PPFIA2: variants seen among roughly 807,000 people sequenced by gnomAD.
PPFIA2 encodes liprin-alpha-2.
In PPFIA2, 46 loss-of-function variants were observed where a neutral mutation model predicts 175.5. The observed-to-expected ratio is 0.26, with a 90% CI of 0.21 to 0.34. The LOEUF (loss-of-function observed/expected upper bound fraction) is 0.34, where lower values mean the gene tolerates loss of function less well. Ranked by LOEUF, PPFIA2 falls within the 10% of genes least tolerant of loss-of-function variation. The pLI is 1.00. For missense variants in PPFIA2, 1,179 were observed against 1,506.1 expected, an observed-to-expected ratio of 0.78 and a Z score of 3.60; for synonymous variants, 568 against 511.4, an observed-to-expected ratio of 1.11 and a Z score of -1.49.
intron 4 of PPFIA2, among the ~76,000 whole-genome samples, chr12:81,656,607 GA>G (rs1181519573): frequency 1.3e-5 from 2 of 151,844 alleles, no homozygotes; most frequent in Non-Finnish European, 2.9e-5. Flanking sequence ...ATAAAGGAAA[GA>G]AAAATTTTTA....
chr12:81,684,283 T>C (rs774282862), intron 3 of PPFIA2, among the ~76,000 whole-genome samples: 1 of 152,036 alleles, frequency 6.6e-6, no homozygotes, highest in Non-Finnish European at 1.5e-5. Flanking sequence ...AAAGGTATGA[T>C]TTATAGAGGT....
chr12:81,697,051 T>G (rs994772977), intron 3 of PPFIA2, among the ~76,000 whole-genome samples: 1 of 152,138 alleles, frequency 6.6e-6, no homozygotes, highest in Non-Finnish European at 1.5e-5. Context: ...AAATGAATCA[T>G]AGACAGACAA....
intron 4 of PPFIA2, among the ~76,000 whole-genome samples, chr12:81,532,306 T>C (rs773604963): frequency 1.3e-5 from 2 of 151,696 alleles, no homozygotes; most frequent in East Asian, 1.9e-4. Flanking sequence ...TTTGTAGAAA[T>C]AGGAGGATAG....
chr12:81,741,975 A>G (rs2082378405), intron 3 of PPFIA2, among the ~76,000 whole-genome samples: 1 of 152,178 alleles, frequency 6.6e-6, no homozygotes, highest in Non-Finnish European at 1.5e-5. Context: ...TGAAAAGGTA[A>G]AGAAAGCAAG....
At chr12:81,626,765 G>A (rs190501344) in intron 4 of PPFIA2, among the ~76,000 whole-genome samples, 81 of 152,120 alleles carry the variant, frequency 5.3e-4, no homozygotes, top group African/African-American at 1.8e-3. Flanking sequence ...TTATTTTGGG[G>A]ATTGTTGGGG....
At chr12:81,537,278 T>C (rs2065539424) in intron 4 of PPFIA2, among the ~76,000 whole-genome samples, 1 of 151,798 alleles carries the variant, frequency 6.6e-6, no homozygotes, top group Admixed American at 6.6e-5. Flanking sequence ...ACATTTGACT[T>C]TTCCCATTAT....
At chr12:81,345,377 C>T (rs926256054) in intron 18 of PPFIA2, among the ~76,000 whole-genome samples, 4 of 151,878 alleles carry the variant, frequency 2.6e-5, no homozygotes, top group Admixed American at 2.0e-4. Flanking sequence ...TCTAAAAATG[C>T]CTTTTTTTTC....
intron 5 of PPFIA2, among the ~76,000 whole-genome samples, chr12:81,450,901 T>A (rs975764807): frequency 3.9e-5 from 6 of 152,282 alleles, no homozygotes; most frequent in South Asian, 2.1e-4. Flanking sequence ...ACATAATACA[T>A]TGCTAAGTAG....
intron 22 of PPFIA2, among the ~76,000 whole-genome samples, chr12:81,301,947 T>C (rs1291595472): frequency 1.3e-5 from 2 of 152,188 alleles, no homozygotes; most frequent in African/African-American, 2.4e-5. Context: ...TATTTACTCC[T>C]CATTCTGTCA....
At chr12:81,270,671 A>T (rs1182542442) in intron 28 of PPFIA2, 1 of 152,174 alleles carries the variant, frequency 6.6e-6, no homozygotes, top group Non-Finnish European at 1.5e-5. Context: ...GACTCTGCTA[A>T]CACCTTGGTC....
intron 4 of PPFIA2, among the ~76,000 whole-genome samples, chr12:81,558,138 T>C (rs2069219954): frequency 6.6e-6 from 1 of 152,186 alleles, no homozygotes; most frequent in Non-Finnish European, 1.5e-5. Flanking sequence ...TAAAACTTTC[T>C]GAATTCCCAG....
At position 81,354,508 on chromosome 12, in the gene PPFIA2, C is replaced by T. The variant is rs545828930; in HGVS notation, c.1774-1169G>A. Among the ~76,000 whole-genome samples, 11 of 152,274 alleles carry T rather than the reference C, an allele frequency of 7.2e-5. No individual in the cohort carries two copies. In the South Asian group the frequency reaches 1.7e-3, roughly 23 times the overall value. ...TCATGAGATTGCAGCAATTTGGTTT[C>T]GTTTTCAGGCTCTACTTCTAATTCT... is the stretch of plus-strand genomic sequence containing the variant. On this transcript the variant is annotated intron_variant, in intron 16 of 32. Coordinates refer to ENST00000549396, the MANE Select transcript of PPFIA2 (RefSeq NM_003625.5).
At chr12:81,727,879 A>G (rs2080300809) in intron 3 of PPFIA2, among the ~76,000 whole-genome samples, 1 of 151,364 alleles carries the variant, frequency 6.6e-6, no homozygotes, top group Non-Finnish European at 1.5e-5. Context: ...GCTCTGTGAA[A>G]ACTACTTCTC....
At chr12:81,293,028 A>T (rs954440139) in intron 24 of PPFIA2, 3 of 152,022 alleles carry the variant, frequency 2.0e-5, no homozygotes, top group Non-Finnish European at 4.4e-5. Flanking sequence ...AATGAAACAA[A>T]CTATTCACAA....
At chr12:81,642,658 CTATT>C (rs1345433829) in intron 4 of PPFIA2, among the ~76,000 whole-genome samples, 1 of 43,574 alleles carries the variant, frequency 2.3e-5, no homozygotes, top group African/African-American at 8.5e-5. Context: ...ATGTATGTAT[CTATT>C]ATATACATAC....
chr12:81,605,652 TA>T (rs2060219002), intron 4 of PPFIA2, among the ~76,000 whole-genome samples: 1 of 103,848 alleles, frequency 9.6e-6, no homozygotes, highest in Admixed American at 9.8e-5. Flanking sequence ...TCCATCCAGC[TA>T]TCTATCTATC....
At chr12:81,495,690 CT>C (rs970889725) in intron 4 of PPFIA2, among the ~76,000 whole-genome samples, 18 of 152,100 alleles carry the variant, frequency 1.2e-4, no homozygotes, top group African/African-American at 4.3e-4. Flanking sequence ...TGGTGAGCAT[CT>C]GTAGTCCCAG....
chr12:81,634,613 A>G (rs978228536), intron 4 of PPFIA2, among the ~76,000 whole-genome samples: 1 of 151,854 alleles, frequency 6.6e-6, no homozygotes, highest in Admixed American at 6.6e-5. Context: ...AAAGTGGAAT[A>G]ATTTTTCTTG....
chr12:81,559,075 A>G (rs923110136), intron 4 of PPFIA2, among the ~76,000 whole-genome samples: 1 of 152,214 alleles, frequency 6.6e-6, no homozygotes, highest in African/African-American at 2.4e-5. Context: ...TGAAAAAGAC[A>G]TACTTTGTGC....
Sources: gnomAD v4.1 joint callset for allele counts (sites outside exome capture counted in the v4.1 genomes callset) on GRCh38, gnomAD v4.1.1 for gene constraint, MANE v1.5 for transcripts, NCBI Gene and HGNC (gene_info 2026-07-23, HGNC 2026-07-21) for gene names.